The following MPHOSPH9 variants were observed in gnomAD, a reference collection of about 807,000 sequenced individuals.
The protein encoded by MPHOSPH9 is M-phase phosphoprotein 9.
In MPHOSPH9, 88 loss-of-function variants were observed where a neutral mutation model predicts 145.5. The ratio of observed to expected loss-of-function variants is 0.60; its 90% confidence interval spans 0.51 to 0.72. The LOEUF (loss-of-function observed/expected upper bound fraction) is 0.72. Ranked by LOEUF, MPHOSPH9 falls within the 30% of genes least tolerant of loss-of-function variation. The pLI is 0.00. For missense variants in MPHOSPH9, 1,238 were observed against 1,386.6 expected, an observed-to-expected ratio of 0.89 and a Z score of 1.70; for synonymous variants, 435 against 486.2, an observed-to-expected ratio of 0.89 and a Z score of 1.39.
rs1380287004 is a variant in MPHOSPH9 at position 123,155,950 on chromosome 12, G to A, written c.*857C>T. Reference sequence around the variant, plus strand: ...TGGAAAGGGGTGAACATATCCAGATGACAACTATGACGGACAGCTGAAGCC... The same window carrying A: ...TGGAAAGGGGTGAACATATCCAGATAACAACTATGACGGACAGCTGAAGCC... On this transcript the variant is annotated 3_prime_UTR_variant, in exon 24 of 24. Coordinates refer to ENST00000606320, the MANE Select transcript of MPHOSPH9 (RefSeq NM_022782.4). 1 of 152,296 alleles carries A rather than the reference G, an allele frequency of 6.6e-6. No individual in the cohort carries two copies. The highest frequency in any genetic ancestry group is 1.9e-4 in the East Asian group (1 of 5,204). The allele number at this position is 152,296 out of a possible 1,614,324, so 9.4% of individuals were successfully genotyped here. A position where few individuals can be genotyped will look rare whatever the true frequency, so the allele number is the denominator to read the frequency against.
intron 12 of MPHOSPH9, among the ~76,000 whole-genome samples, chr12:123,195,921 A>G (rs1328700934): frequency 6.6e-6 from 1 of 151,354 alleles, no homozygotes; most frequent in Non-Finnish European, 1.5e-5. Flanking sequence ...TATAGTCTCA[A>G]CTACTCAGGA....
intron 7 of MPHOSPH9, among the ~76,000 whole-genome samples, chr12:123,212,538 T>C (rs1457584638): frequency 6.6e-6 from 1 of 151,740 alleles, no homozygotes; most frequent in Non-Finnish European, 1.5e-5. Flanking sequence ...AAAAACTCTA[T>C]CTCTACTAAA....
chr12:123,191,106 G>A (rs752004972), intron 13 of MPHOSPH9, among the ~76,000 whole-genome samples: 7 of 152,080 alleles, frequency 4.6e-5, no homozygotes, highest in Non-Finnish European at 1.0e-4. Context: ...TGGATCACTT[G>A]AGGTCGGGAG....
At chr12:123,166,044 AG>A (rs2044303949) in intron 17 of MPHOSPH9, among the ~76,000 whole-genome samples, 2 of 152,232 alleles carry the variant, frequency 1.3e-5, no homozygotes, top group African/African-American at 4.8e-5. Flanking sequence ...TAAGCGGCTG[AG>A]GCTGCTCACG....
upstream of MPHOSPH9, among the ~76,000 whole-genome samples, chr12:123,237,840 TGAAA>T (rs2047874644): frequency 6.6e-6 from 1 of 152,108 alleles, no homozygotes; most frequent in Admixed American, 6.6e-5. Context: ...CAGGAGGATG[TGAAA>T]GACAGGGAAA....
intron 13 of MPHOSPH9, among the ~76,000 whole-genome samples, chr12:123,186,797 C>A (rs1487331828): frequency 6.6e-6 from 1 of 152,040 alleles, no homozygotes; most frequent in Non-Finnish European, 1.5e-5. Flanking sequence ...CTCATCTCTA[C>A]TAAAAATGCA....
intron 17 of MPHOSPH9, among the ~76,000 whole-genome samples, chr12:123,165,793 A>G (rs1453533262): frequency 6.6e-6 from 1 of 152,196 alleles, no homozygotes; most frequent in Non-Finnish European, 1.5e-5. Context: ...TTGCACTTCC[A>G]GCCTCCAGAG....
chr12:123,163,132 T>C lies in MPHOSPH9; in HGVS notation c.2911A>G (p.Lys971Glu), dbSNP rs774920990. The change falls in exon 20 of 24, where the codon AAA becomes GAA. Residue 971 changes from lysine to glutamate, a missense_variant and splice_region_variant. Coordinates refer to ENST00000606320, the MANE Select transcript of MPHOSPH9 (RefSeq NM_022782.4). ...PSNRKSSTPT[K>E]REIMLTPVTV... is the part of the protein sequence containing the mutation. ...ACTGGTGTTAGCATAATCTCTCTTT[T>C]TGCTATAGAAGAAAATGAAGAGGAA... 2 of 1,576,506 alleles carry C rather than the reference T, an allele frequency of 1.3e-6. No homozygotes were observed. The highest frequency in any genetic ancestry group is 2.3e-5 in the East Asian group (1 of 42,792).
intron 16 of MPHOSPH9, among the ~76,000 whole-genome samples, chr12:123,170,646 T>C (rs995355005): frequency 3.9e-5 from 6 of 152,228 alleles, no homozygotes; most frequent in Admixed American, 3.9e-4. Flanking sequence ...ATAAGCTCTA[T>C]TCATTTTTAT....
intron 8 of MPHOSPH9, among the ~76,000 whole-genome samples, chr12:123,204,400 A>C (rs1049408328): frequency 6.6e-6 from 1 of 152,140 alleles, no homozygotes; most frequent in Non-Finnish European, 1.5e-5. Flanking sequence ...AAGAAAAAGC[A>C]CCAAGAGCTG....
At chr12:123,189,249 T>C (rs150021795) in intron 13 of MPHOSPH9, among the ~76,000 whole-genome samples, 4 of 152,290 alleles carry the variant, frequency 2.6e-5, no homozygotes, top group Non-Finnish European at 5.9e-5. Context: ...CTTCAGAAGA[T>C]TCCAGCTCCC....
rs1166884033 is a variant in MPHOSPH9, at chr12:123,194,421, CTTCT to C, written c.2202_2205del (p.Glu735LeufsTer3). The C allele has an allele frequency of 6.2e-7, 1 of 1,602,808 alleles. No homozygotes were observed. Among genetic ancestry groups the C allele is most frequent in the Non-Finnish European group, 8.5e-7 (1 of 1,175,954 alleles). On this transcript the variant is annotated frameshift_variant, in exon 13 of 24. Transcript: ENST00000606320. LOFTEE classifies it high-confidence loss of function. ...ATTTTGTTCTCTTGTTTTAGTTGAG[CTTCT>C]TTATCATCTGAGAGTTTGTAAGCAT...
Position 123,220,565 on chromosome 12 carries a change from C to CA in MPHOSPH9, c.872+806dup, listed in dbSNP as rs201313076. 1.8e-4 allele frequency among the ~76,000 whole-genome samples: 27 copies of CA among 150,926 alleles called. No individual in the cohort carries two copies. The East Asian group carries it at 2.2e-3, about 12-fold the overall frequency. ...GGGAGACAAGAGCAAGACTCCATAT[C>CA]AAAAAAAACAAAACATAAAATTGGG... On this transcript the variant is annotated intron_variant, in intron 5 of 23. Coordinates refer to ENST00000606320, the MANE Select transcript of MPHOSPH9 (RefSeq NM_022782.4).
At chr12:123,173,006 G>C (rs1028778866) in intron 16 of MPHOSPH9, among the ~76,000 whole-genome samples, 1 of 150,188 alleles carries the variant, frequency 6.7e-6, no homozygotes, top group African/African-American at 2.4e-5. Context: ...CTCCCGAGTA[G>C]CTGGGATTAC....
chr12:123,226,013 G>A (rs185485662), intron 3 of MPHOSPH9, among the ~76,000 whole-genome samples: 2 of 152,284 alleles, frequency 1.3e-5, no homozygotes, highest in East Asian at 1.9e-4. Flanking sequence ...TCCAGCCTGG[G>A]CAACAGAGCA....
intron 16 of MPHOSPH9, among the ~76,000 whole-genome samples, chr12:123,173,963 G>A (rs934435862): frequency 6.6e-6 from 1 of 152,186 alleles, no homozygotes; most frequent in Non-Finnish European, 1.5e-5. Context: ...AATGGTGTCT[G>A]AAATGGGAAG....
intron 1 of MPHOSPH9, among the ~76,000 whole-genome samples, chr12:123,239,171 C>T (rs768582798): frequency 1.4e-4 from 22 of 152,026 alleles, no homozygotes; most frequent in Non-Finnish European, 2.9e-5. Context: ...CAGGAGGCTG[C>T]GGTGAGAGGA....
chr12:123,214,916 A>C, intron 6 of MPHOSPH9, 82 bp from the exon 7 acceptor site: 1 of 1,163,920 alleles, frequency 8.6e-7, no homozygotes, highest in Admixed American at 1.8e-5. Context: ...GCCAGGCCTC[A>C]AACCAGGTGG....
intron 16 of MPHOSPH9, among the ~76,000 whole-genome samples, chr12:123,171,523 C>T (rs549695273): frequency 2.6e-4 from 39 of 151,672 alleles, no homozygotes; most frequent in East Asian, 1.2e-3. Context: ...CTGAGGTGGG[C>T]GGATCACTTG....
Sources: allele counts gnomAD v4.1 joint callset (sites outside exome capture counted in the v4.1 genomes callset), GRCh38; gene constraint gnomAD v4.1.1; transcripts MANE v1.5; gene names NCBI Gene and HGNC (gene_info 2026-07-23, HGNC 2026-07-21).